Variants in CDH8 observed in about 807,000 individuals in gnomAD.
CDH8 encodes cadherin 8, also known as cadherin-8.
Under a neutral mutation model 68.1 loss-of-function variants are expected in CDH8, and 17 were observed. The ratio of observed to expected loss-of-function variants is 0.25; its 90% CI spans 0.17 to 0.37. The LOEUF is 0.37. Ranked by LOEUF, CDH8 falls within the 10% of genes least tolerant of loss-of-function variation. The probability of loss-of-function intolerance (pLI) is 1.00; values close to 1 mark genes in which losing one functional copy is unlikely to be tolerated. For missense variants in CDH8, 763 were observed against 999.3 expected (o/e 0.76, Z 3.19); for synonymous variants, 372 against 365.1 (o/e 1.02, Z -0.21).
chr16:61,960,836 G>T (rs779612079), intron 2 of CDH8, among the ~76,000 whole-genome samples: 13 of 152,078 alleles, frequency 8.5e-5, no homozygotes, highest in Non-Finnish European at 1.9e-4. Context: ...CTCGCTGCTA[G>T]CTTCAAGATT....
At chr16:61,910,232 A>T (rs1964137337) in intron 2 of CDH8, among the ~76,000 whole-genome samples, 1 of 152,002 alleles carries the variant, frequency 6.6e-6, no homozygotes, top group South Asian at 2.1e-4. Flanking sequence ...TAATTTTTTT[A>T]AAAGGTCTTA....
intron 5 of CDH8, among the ~76,000 whole-genome samples, chr16:61,821,757 T>A (rs1172563083): frequency 6.6e-6 from 1 of 151,992 alleles, no homozygotes; most frequent in Non-Finnish European, 1.5e-5. Flanking sequence ...CACTCTCCTA[T>A]GGGGGCAATA....
chr16:61,718,246 G>T (rs1959194067), intron 9 of CDH8, among the ~76,000 whole-genome samples: 2 of 151,512 alleles, frequency 1.3e-5, no homozygotes, highest in African/African-American at 2.4e-5. Context: ...GTTCTTGATT[G>T]ATTCTAACCA....
intron 4 of CDH8, among the ~76,000 whole-genome samples, chr16:61,831,171 T>C (rs1962446216): frequency 6.6e-6 from 1 of 151,754 alleles, no homozygotes; most frequent in Non-Finnish European, 1.5e-5. Flanking sequence ...TTTAGAAGTT[T>C]CCCTGGAACT....
chr16:61,664,826 G>A (rs145120848), intron 10 of CDH8, among the ~76,000 whole-genome samples: 1 of 151,878 alleles, frequency 6.6e-6, no homozygotes, highest in East Asian at 1.9e-4. Context: ...ATTCAGAGAG[G>A]GGCACACAGA....
chr16:61,920,042 C>T (rs1597066248), intron 2 of CDH8, among the ~76,000 whole-genome samples: 2 of 150,556 alleles, frequency 1.3e-5, no homozygotes, highest in South Asian at 4.3e-4. Flanking sequence ...GGAAAACTGG[C>T]TAGCCATATG....
chr16:61,982,051 T>C lies in CDH8; in HGVS notation c.252+39101A>G, dbSNP rs534486835. 4.6e-5 allele frequency among the ~76,000 whole-genome samples: 7 copies of C among 152,250 alleles called. No homozygotes were observed. The South Asian group carries it at 1.5e-3, about 32-fold the overall frequency. On this transcript the variant is annotated intron_variant, in intron 2 of 11. Coordinates refer to ENST00000577390, the MANE Select transcript of CDH8 (RefSeq NM_001796.5). ...ACTGTGCCCCCACCTTCATGAACAA[T>C]GATTAGCACATAGTCAGTGCGTCAT...
chr16:61,972,571 G>GGGTGTGTGTGTGTGTGTGTGT (rs369833002), intron 2 of CDH8, among the ~76,000 whole-genome samples: 11 of 131,466 alleles, frequency 8.4e-5, no homozygotes, highest in African/African-American at 3.0e-4. Context: ...ACACATTGTG[G>GGGTGTGTGTGTGTGTGTGTGT]GTGTGTGTGT....
intron 3 of CDH8, among the ~76,000 whole-genome samples, chr16:61,893,384 A>G (rs1475236997): frequency 6.6e-6 from 1 of 151,590 alleles, no homozygotes; most frequent in Non-Finnish European, 1.5e-5. Flanking sequence ...AACGCTATCC[A>G]ACCCAGTACA....
chr16:61,671,644 T>C (rs1425776109), intron 10 of CDH8, among the ~76,000 whole-genome samples: 3 of 152,040 alleles, frequency 2.0e-5, no homozygotes, highest in Admixed American at 2.0e-4. Flanking sequence ...AAGGCAGTTA[T>C]GTAGATAAAA....
intron 7 of CDH8, among the ~76,000 whole-genome samples, chr16:61,792,527 C>T (rs1961401795): frequency 6.6e-6 from 1 of 151,934 alleles, no homozygotes; most frequent in African/African-American, 2.4e-5. Context: ...AAATTTGTAC[C>T]AAGCACAGTG....
chr16:61,880,923 G>A (rs939310241), intron 3 of CDH8, among the ~76,000 whole-genome samples: 1 of 152,190 alleles, frequency 6.6e-6, no homozygotes, highest in African/African-American at 2.4e-5. Context: ...TGAGCTGCCA[G>A]ATGGAAAGGC....
intron 10 of CDH8, among the ~76,000 whole-genome samples, chr16:61,684,241 T>C (rs1263776478): frequency 6.6e-6 from 1 of 152,038 alleles, no homozygotes; most frequent in Non-Finnish European, 1.5e-5. Flanking sequence ...GCTAGAAGAC[T>C]AGGTTAAGAA....
At chr16:61,918,070 A>G (rs1964277374) in intron 2 of CDH8, among the ~76,000 whole-genome samples, 1 of 202 alleles carries the variant, frequency 5.0e-3, no homozygotes, top group Admixed American at 0.033. Context: ...CAGTGCCAAC[A>G]ACTGTACTGA....
intron 3 of CDH8, among the ~76,000 whole-genome samples, chr16:61,888,690 A>T (rs1963720815): frequency 6.6e-6 from 1 of 152,178 alleles, no homozygotes; most frequent in South Asian, 2.1e-4. Flanking sequence ...TTAAATATTA[A>T]TCCCTATGTA....
At chr16:61,878,225 A>T (rs1963498943) in intron 3 of CDH8, among the ~76,000 whole-genome samples, 1 of 152,242 alleles carries the variant, frequency 6.6e-6, no homozygotes, top group African/African-American at 2.4e-5. Context: ...TTATGACCAA[A>T]TAGAAGAAGT....
At chr16:61,953,839 T>C (rs1247225943) in intron 2 of CDH8, among the ~76,000 whole-genome samples, 4 of 148,156 alleles carry the variant, frequency 2.7e-5, no homozygotes, top group East Asian at 4.0e-4. Flanking sequence ...ATTGTGCCAC[T>C]GTACTCCAGC....
chr16:61,746,991 C>A (rs962500993), intron 8 of CDH8, among the ~76,000 whole-genome samples: 1 of 152,022 alleles, frequency 6.6e-6, no homozygotes, highest in African/African-American at 2.4e-5. Flanking sequence ...TAGTACAACC[C>A]ACTATCTCAG....
At chr16:61,918,586 C>T (rs2087626613) in intron 2 of CDH8, 2 of 153,438 alleles carry the variant, frequency 1.3e-5, no homozygotes, top group African/African-American at 4.8e-5. Flanking sequence ...TTACTCCCAC[C>T]CGAATACTGC....
Sources: allele counts gnomAD v4.1 joint callset (sites outside exome capture counted in the v4.1 genomes callset), GRCh38; gene constraint gnomAD v4.1.1; transcripts MANE v1.5; gene names NCBI Gene and HGNC (gene_info 2026-07-23, HGNC 2026-07-21).